DPYD: variants seen among roughly 807,000 people sequenced by gnomAD.
DPYD encodes the protein dihydropyrimidine dehydrogenase [NADP(+)].
Under a neutral mutation model 116.2 loss-of-function variants are expected in DPYD, and 109 were observed. That is an observed-to-expected ratio of 0.94 (90% CI 0.80 to 1.10). DPYD has a LOEUF of 1.10. DPYD is among the 50% of genes least tolerant of loss of function. The pLI, the probability that DPYD is intolerant of heterozygous loss-of-function variation, is 0.00. For synonymous variants in DPYD, 440 were observed against 432.0 expected (o/e 1.02, Z -0.23); for missense variants, 1,302 against 1,254.5 (o/e 1.04, Z -0.57).
chr1:97,186,965 TTTTC>T lies in DPYD; in HGVS notation c.2622+6100_2622+6103del. 1.3e-5 allele frequency among the ~76,000 whole-genome samples: 2 copies of T among 152,348 alleles called. 1 individual carries two copies. Among genetic ancestry groups the T allele is most frequent in the South Asian group, 4.1e-4 (2 of 4,834 alleles). ...TTTTATGGCTGAATAGTATTCTACA[TTTTC>T]TTTATTATCTGTCAAAGTACATTTA... is the stretch of plus-strand genomic sequence containing the variant. On this transcript the variant is annotated intron_variant, in intron 20 of 22. Coordinates refer to ENST00000370192, the MANE Select transcript of DPYD (RefSeq NM_000110.4).
At chr1:97,900,033 A>G (rs908028505) in intron 1 of DPYD, among the ~76,000 whole-genome samples, 11 of 151,958 alleles carry the variant, frequency 7.2e-5, no homozygotes, top group Admixed American at 6.6e-4. Flanking sequence ...GCTACAGACT[A>G]TAATTCCCAG....
chr1:97,554,486 A>C (rs1412406170), intron 11 of DPYD, among the ~76,000 whole-genome samples: 2 of 152,124 alleles, frequency 1.3e-5, no homozygotes, highest in Non-Finnish European at 2.9e-5. Context: ...AGATGAATTC[A>C]TCTATGTCCT....
chr1:97,135,902 C>A (rs1653749495), intron 20 of DPYD, among the ~76,000 whole-genome samples: 1 of 152,026 alleles, frequency 6.6e-6, no homozygotes. Context: ...TTTCAAAATT[C>A]CTCTACAATG....
intron 14 of DPYD, among the ~76,000 whole-genome samples, chr1:97,438,384 T>C (rs1675583333): frequency 6.6e-6 from 1 of 152,080 alleles, no homozygotes. Flanking sequence ...AGGTTGTCTT[T>C]AATTTCTCTC....
At chr1:97,913,572 T>C (rs892136615) in intron 1 of DPYD, among the ~76,000 whole-genome samples, 1 of 152,156 alleles carries the variant, frequency 6.6e-6, no homozygotes, top group Admixed American at 6.5e-5. Context: ...AATTAACAAA[T>C]AGTAAATACA....
At chr1:97,321,856 T>G (rs1668297490) in intron 16 of DPYD, among the ~76,000 whole-genome samples, 1 of 43,378 alleles carries the variant, frequency 2.3e-5, no homozygotes, top group African/African-American at 6.8e-5. Flanking sequence ...AATGATAGAC[T>G]GGATTAAGAA....
At chr1:97,882,816 TC>T (rs1234562499) in intron 2 of DPYD, among the ~76,000 whole-genome samples, 3 of 152,064 alleles carry the variant, frequency 2.0e-5, no homozygotes, top group Non-Finnish European at 2.9e-5. Context: ...ATTTTTAAAG[TC>T]CACAGATACC....
At chr1:97,338,254 G>C (rs542915147) in intron 16 of DPYD, among the ~76,000 whole-genome samples, 2 of 152,290 alleles carry the variant, frequency 1.3e-5, no homozygotes, top group East Asian at 1.9e-4. Flanking sequence ...CTTTACACTT[G>C]GTGGCAATAT....
At chr1:97,145,610 A>G (rs1254945036) in intron 20 of DPYD, among the ~76,000 whole-genome samples, 2 of 152,170 alleles carry the variant, frequency 1.3e-5, no homozygotes, top group East Asian at 3.9e-4. Flanking sequence ...TATTATAATA[A>G]GCACTAAAAT....
chr1:97,891,679 T>A (rs1364122931), intron 1 of DPYD, among the ~76,000 whole-genome samples: 1 of 151,874 alleles, frequency 6.6e-6, no homozygotes, highest in Non-Finnish European at 1.5e-5. Flanking sequence ...CAGGCCCTCA[T>A]GTCACAAACA....
intron 3 of DPYD, among the ~76,000 whole-genome samples, chr1:97,808,738 T>C (rs1419613196): frequency 6.6e-6 from 1 of 151,334 alleles, no homozygotes; most frequent in East Asian, 1.9e-4. Context: ...TATATCTTTT[T>C]ATTATTTAAA....
chr1:97,085,932 T>C (rs190156620), intron 21 of DPYD, among the ~76,000 whole-genome samples: 77 of 152,336 alleles, frequency 5.1e-4, no homozygotes, highest in Non-Finnish European at 1.2e-4. Context: ...TTATAGATGA[T>C]AACACTTAAT....
At chr1:97,509,431 C>T (rs1278291242) in intron 13 of DPYD, among the ~76,000 whole-genome samples, 1 of 151,842 alleles carries the variant, frequency 6.6e-6, no homozygotes, top group African/African-American at 2.4e-5. Flanking sequence ...GAAAAGTGGC[C>T]TGTATTATGT....
chr1:97,801,643 G>A (rs536700537), intron 3 of DPYD, among the ~76,000 whole-genome samples: 1 of 152,030 alleles, frequency 6.6e-6, no homozygotes, highest in East Asian at 1.9e-4. Flanking sequence ...TTTGAGGAAA[G>A]AACTGAAGGA....
At position 97,686,724 on chromosome 1, in the gene DPYD, C is replaced by A. The variant is rs146029005; in HGVS notation, c.762+4993G>T. Among the ~76,000 whole-genome samples the A allele has an allele frequency of 2.7e-4, 40 of 148,786 alleles. No individual in the cohort carries two copies. In the East Asian group the frequency reaches 7.4e-3, roughly 27 times the overall value. The stretch of plus-strand genomic sequence containing the variant: ...AGAAGAAAATCTAGGAAATACCATT[C>A]AGGACATAGGCACGGGCAAAGATTT... On this transcript the variant is annotated intron_variant, in intron 7 of 22. Coordinates refer to ENST00000370192, the MANE Select transcript of DPYD (RefSeq NM_000110.4).
chr1:97,674,501 T>G (rs1660035710), intron 8 of DPYD, among the ~76,000 whole-genome samples: 1 of 152,130 alleles, frequency 6.6e-6, no homozygotes, highest in Non-Finnish European at 1.5e-5. Context: ...CTATCATGTT[T>G]TATGAGGCTA....
At chr1:97,909,842 C>T (rs991378294) in intron 1 of DPYD, among the ~76,000 whole-genome samples, 1 of 152,076 alleles carries the variant, frequency 6.6e-6, no homozygotes, top group South Asian at 2.1e-4. Flanking sequence ...TTACAGACAT[C>T]CAAAAGTTTA....
At chr1:97,711,647 T>G in intron 5 of DPYD, among the ~76,000 whole-genome samples, 1 of 152,046 alleles carries the variant, frequency 6.6e-6, no homozygotes, top group East Asian at 1.9e-4. Flanking sequence ...TATAGATTTC[T>G]TAAATCAATC....
rs889569139 is a variant in DPYD at position 97,914,254 on chromosome 1, CAACT to C, written c.39+6626_39+6629del. On this transcript the variant is annotated intron_variant, in intron 1 of 22. Transcript: ENST00000370192. ...TGGTGCAAAATAGGTTATCTCCAAC[CAACT>C]GTTTCCTAGGAGCTAAAAGAGTTAT... is the stretch of plus-strand genomic sequence containing the variant. Among the ~76,000 whole-genome samples the C allele has an allele frequency of 5.3e-5, 8 of 152,064 alleles. No individual in the cohort carries two copies. The South Asian group carries it at 8.3e-4, about 16-fold the overall frequency.
Sources: allele counts gnomAD v4.1 joint callset (sites outside exome capture counted in the v4.1 genomes callset), GRCh38; gene constraint gnomAD v4.1.1; transcripts MANE v1.5; gene names NCBI Gene and HGNC (gene_info 2026-07-23, HGNC 2026-07-21).